Variants in DLC1 observed in about 807,000 individuals in gnomAD.
The protein encoded by DLC1 is rho GTPase-activating protein 7.
In DLC1, 54 loss-of-function variants were observed where a neutral mutation model predicts 140.3. The observed-to-expected ratio is 0.38, with a 90% CI of 0.31 to 0.48. The LOEUF (loss-of-function observed/expected upper bound fraction) is 0.48. DLC1 is among the 20% of genes least tolerant of loss of function. DLC1 has a pLI of 0.96. For synonymous variants in DLC1, 986 were observed against 728.1 expected (o/e 1.35, Z -5.70); for missense variants, 2,536 against 1,907.0 (o/e 1.33, Z -6.14).
chr8:13,088,770 TGTTA>T (rs1817788580), intron 15 of DLC1, 66 bp from the exon 16 acceptor site: 4 of 1,446,522 alleles, frequency 2.8e-6, no homozygotes, highest in African/African-American at 1.4e-5. Flanking sequence ...GAAGTCGAAT[TGTTA>T]GTTAGACTAA....
rs377339818 is a variant in DLC1, at chr8:13,446,479, C to G, written c.1024-44860G>C. 4.0e-5 allele frequency among the ~76,000 whole-genome samples: 6 copies of G among 151,826 alleles called. No individual in the cohort carries two copies. In the East Asian group the frequency reaches 5.8e-4, roughly 15 times the overall value. On this transcript the variant is annotated intron_variant, in intron 2 of 17. Transcript: ENST00000276297. ...GCCTGGGCTTGTTATTTAGTCATGA[C>G]TAAGTTTTAAATCATCATACACTGG...
intron 5 of DLC1, chr8:13,133,376 C>T (rs1448489608): frequency 2.0e-6 from 2 of 990,374 alleles, no homozygotes; most frequent in Non-Finnish European, 2.5e-6. Flanking sequence ...CGCCTCCTCC[C>T]CGCTGTCTGG....
intron 2 of DLC1, among the ~76,000 whole-genome samples, chr8:13,421,723 C>T (rs1010178049): frequency 6.6e-6 from 1 of 152,136 alleles, no homozygotes; most frequent in African/African-American, 2.4e-5. Context: ...GTTACTCATC[C>T]TCCAATTCCC....
intron 5 of DLC1, among the ~76,000 whole-genome samples, chr8:13,221,729 T>TATAG (rs1828564760): frequency 8.5e-6 from 1 of 117,982 alleles, no homozygotes; most frequent in African/African-American, 2.8e-5. Flanking sequence ...TGTGTGTGTA[T>TATAG]ATATATATAT....
At chr8:13,511,568 T>G (rs1802367136) in intron 1 of DLC1, among the ~76,000 whole-genome samples, 1 of 152,160 alleles carries the variant, frequency 6.6e-6, no homozygotes, top group South Asian at 2.1e-4. Flanking sequence ...CCAAAGTCAA[T>G]CAAGAGTCAT....
At chr8:13,485,291 G>T (rs1442563398) in intron 2 of DLC1, among the ~76,000 whole-genome samples, 1 of 152,094 alleles carries the variant, frequency 6.6e-6, no homozygotes, top group African/African-American at 2.4e-5. Flanking sequence ...ACAATACTTG[G>T]TTTTATTCAC....
chr8:13,510,113 T>C (rs1244443636), intron 1 of DLC1, among the ~76,000 whole-genome samples: 1 of 152,096 alleles, frequency 6.6e-6, no homozygotes, highest in East Asian at 1.9e-4. Context: ...GTCCATGATA[T>C]TTCAATATAG....
chr8:13,090,462 C>T lies in DLC1; in HGVS notation c.3864G>A (p.Glu1288=), dbSNP rs1335620153. The T allele has an allele frequency of 2.5e-6, 4 of 1,613,948 alleles. No homozygotes were observed. The highest frequency in any genetic ancestry group is 2.5e-6 in the Non-Finnish European group (3 of 1,180,036). Residue 1288 remains glutamate, a synonymous_variant, in exon 15 of 18, where the codon GAG becomes GAA. Transcript: ENST00000276297. The part of the protein sequence containing the change: ...AECKKLFQVP[E]EMSRCRNSYT... ...AGGAATTACGACATCGGCTCATTTC[C>T]TCGGGAACCTGTGCGGAACATGACA...
intron 4 of DLC1, among the ~76,000 whole-genome samples, chr8:13,326,330 C>G (rs181988325): frequency 2.2e-4 from 33 of 152,288 alleles, no homozygotes; most frequent in African/African-American, 7.9e-4. Context: ...TAGCATAGAC[C>G]TATATACCTC....
rs755011479 is a variant in DLC1 at position 13,090,502 on chromosome 8, G to A, written c.3856-32C>T. The A allele has an allele frequency of 5.0e-6, 8 of 1,609,262 alleles. 1 individual carries two copies. In the South Asian group the frequency reaches 6.6e-5, roughly 13 times the overall value. On this transcript the variant is annotated intron_variant, in intron 14 of 17. Coordinates refer to ENST00000276297, the MANE Select transcript of DLC1 (RefSeq NM_182643.3). ...GGAACATGACAGACAGAAAGGAGGT[G>A]AGTCCACCTGTACTCAATCTCAATG...
chr8:13,298,898 C>G (rs1832070218), intron 5 of DLC1, among the ~76,000 whole-genome samples: 1 of 152,134 alleles, frequency 6.6e-6, no homozygotes, highest in South Asian at 2.1e-4. Flanking sequence ...CCATTTTTGG[C>G]TAATGATAAT....
chr8:13,086,253 A>T, intron 17 of DLC1, 37 bp downstream of exon 17: 1 of 1,596,724 alleles, frequency 6.3e-7, no homozygotes, highest in Non-Finnish European at 8.5e-7. Context: ...TTCCTTCATG[A>T]CCCTCACCAT....
chr8:13,149,809 G>T (rs967643301), intron 5 of DLC1, among the ~76,000 whole-genome samples: 12 of 152,240 alleles, frequency 7.9e-5, no homozygotes, highest in Admixed American at 7.2e-4. Context: ...ACAGGTGATT[G>T]TGAGACCAAA....
intron 5 of DLC1, among the ~76,000 whole-genome samples, chr8:13,175,825 GT>G (rs1246089280): frequency 1.3e-5 from 2 of 152,136 alleles, no homozygotes; most frequent in Admixed American, 1.3e-4. Flanking sequence ...ATACAGAACT[GT>G]TCTCTCACCA....
In DLC1 at chr8:13,374,222, A is replaced by G. The variant is rs374944529; in HGVS notation, c.1314+19331T>C. 1.6e-3 allele frequency among the ~76,000 whole-genome samples: 238 copies of G among 152,352 alleles called. 7 individuals are homozygous for G. The South Asian group carries it at 0.041, about 26-fold the overall frequency. ...AGTTTGCTATGGATTCAGATCTGCT[A>G]CAGTGGAGCTCTCCAAATCCAAGCT... On this transcript the variant is annotated intron_variant, in intron 4 of 17. Transcript: ENST00000276297.
chr8:13,448,999 C>G (rs1414337972), intron 2 of DLC1, among the ~76,000 whole-genome samples: 1 of 152,102 alleles, frequency 6.6e-6, no homozygotes, highest in Non-Finnish European at 1.5e-5. Context: ...AGGAGAAACT[C>G]TGTCAGCTGA....
intron 5 of DLC1, among the ~76,000 whole-genome samples, chr8:13,274,664 A>G (rs1468185502): frequency 1.3e-5 from 2 of 152,208 alleles, no homozygotes; most frequent in African/African-American, 4.8e-5. Flanking sequence ...TTCTTAGAGG[A>G]TATTATTATT....
intron 5 of DLC1, among the ~76,000 whole-genome samples, chr8:13,205,324 TGAA>T: frequency 6.6e-6 from 1 of 152,336 alleles, no homozygotes; most frequent in Non-Finnish European, 1.5e-5. Context: ...ATTTTTTAAT[TGAA>T]GAATAAATTT....
At chr8:13,460,912 C>A (rs289537) in intron 2 of DLC1, among the ~76,000 whole-genome samples, 2 of 152,140 alleles carry the variant, frequency 1.3e-5, no homozygotes, top group African/African-American at 2.4e-5. Flanking sequence ...GGGTCCTGTG[C>A]GTGTAAAAAT....
Sources: allele counts gnomAD v4.1 joint callset (sites outside exome capture counted in the v4.1 genomes callset), GRCh38; gene constraint gnomAD v4.1.1; transcripts MANE v1.5; gene names NCBI Gene and HGNC (gene_info 2026-07-23, HGNC 2026-07-21).